The following SH2B3 variants were observed in gnomAD, a reference collection of about 807,000 sequenced individuals.
SH2B3 encodes the protein SH2B adapter protein 3.
In SH2B3, 43 loss-of-function variants were observed where a neutral mutation model predicts 51.9. The observed-to-expected ratio is 0.83, with a 90% CI of 0.65 to 1.07. The LOEUF (loss-of-function observed/expected upper bound fraction) is 1.07, where lower values mean the gene tolerates loss of function less well. SH2B3 is among the 50% of genes least tolerant of loss of function. The pLI, the probability that SH2B3 is intolerant of heterozygous loss-of-function variation, is 0.00. For synonymous variants in SH2B3, 396 were observed against 376.0 expected (o/e 1.05, Z -0.62); for missense variants, 952 against 834.3 (o/e 1.14, Z -1.74).
intron 2 of SH2B3, among the ~76,000 whole-genome samples, chr12:111,436,913 G>A (rs566745564): frequency 2.7e-5 from 4 of 148,120 alleles, no homozygotes; most frequent in South Asian, 2.2e-4. Context: ...CCCCCCTCCC[G>A]CCACACACAT....
At position 111,447,115 on chromosome 12, in the gene SH2B3, TCTC is replaced by T. The variant is rs766553635; in HGVS notation, c.927-8_927-6del. On this transcript the variant is annotated splice_polypyrimidine_tract_variant and splice_region_variant and intron_variant, in intron 4 of 7. Transcript: ENST00000341259. ...GCCCAGATCCTTAACCTCAGCCTCT[TCTC>T]CAGCAGGCTGGAGAGCACAGAAGCA... The T allele has an allele frequency of 6.2e-7, 1 of 1,613,134 alleles. No individual in the cohort carries two copies. The highest frequency in any genetic ancestry group is 1.3e-5 in the African/African-American group (1 of 74,862).
At position 111,450,356 on chromosome 12, in the gene SH2B3, A is replaced by G. The variant is rs1874462388; in HGVS notation, c.*2054A>G. The G allele has an allele frequency of 6.6e-6, 1 of 152,274 alleles. No individual in the cohort carries two copies. Among genetic ancestry groups the G allele is most frequent in the Non-Finnish European group, 1.5e-5 (1 of 68,056 alleles). The allele number at this position is 152,274 out of a possible 1,614,324, so 9.4% of individuals were successfully genotyped here. On this transcript the variant is annotated 3_prime_UTR_variant, in exon 8 of 8. Transcript: ENST00000341259. Reference sequence around the variant, plus strand: ...CTCAAAGTCAAGCAGCTTTCTCTGGAAAATGAATGCTAATTAGTGTGAACC... The same window carrying G: ...CTCAAAGTCAAGCAGCTTTCTCTGGGAAATGAATGCTAATTAGTGTGAACC...
rs1020128728 is a variant in SH2B3, at chr12:111,446,942, G to A, written c.835G>A (p.Val279Met). The A allele has an allele frequency of 3.7e-6, 6 of 1,613,612 alleles. No homozygotes were observed. Among genetic ancestry groups the A allele is most frequent in the Non-Finnish European group, 5.1e-6 (6 of 1,179,530 alleles). ...ACCCTGTTCCCTTCCTCCCTGCCAG[G>A]TGAAGGACCGGACAGACATCATCTT... The part of the protein sequence containing the change: ...PDNLYTFVLK[V>M]KDRTDIIFEV... Residue 279 changes from valine (V) to methionine (M), a missense_variant and splice_region_variant, in exon 4 of 8, where the codon GTG becomes ATG. Physicochemically the swap from Val to Met is conservative, Grantham distance 21 (BLOSUM62 1). Coordinates refer to ENST00000341259, the MANE Select transcript of SH2B3 (RefSeq NM_005475.3).
In SH2B3 at chr12:111,449,865, A is replaced by C. The variant is rs1874419120; in HGVS notation, c.*1563A>C. ...TAGTCTCTGTGCTCCAAGAGGTCAA[A>C]TTTTTGCTTCTAGAATTTCCTTGGG... is the stretch of plus-strand genomic sequence containing the variant. On this transcript the variant is annotated 3_prime_UTR_variant, in exon 8 of 8. Transcript: ENST00000341259. 1 of 151,596 alleles carries C rather than the reference A, an allele frequency of 6.6e-6. No homozygotes were observed. Among genetic ancestry groups the C allele is most frequent in the Non-Finnish European group, 1.5e-5 (1 of 68,006 alleles). The allele number at this position is 151,596 out of a possible 1,614,324, so 9.4% of individuals were successfully genotyped here.
chr12:111,424,310 C>T (rs2135558598), intron 2 of SH2B3, among the ~76,000 whole-genome samples: 1 of 152,052 alleles, frequency 6.6e-6, no homozygotes, highest in East Asian at 1.9e-4. Flanking sequence ...GGCTGTGTGT[C>T]TTGGTGGGGA....
intron 2 of SH2B3, among the ~76,000 whole-genome samples, chr12:111,430,870 G>T (rs1414177426): frequency 1.3e-5 from 2 of 152,160 alleles, no homozygotes; most frequent in Non-Finnish European, 2.9e-5. Context: ...GGGTCCCCAG[G>T]GTCCCTCCCC....
chr12:111,420,367 C>CAAAAAA (rs59301682), intron 2 of SH2B3, among the ~76,000 whole-genome samples: 3 of 64,464 alleles, frequency 4.7e-5, no homozygotes, highest in African/African-American at 1.1e-4. Flanking sequence ...GACCCTGTCT[C>CAAAAAA]AAAAAAAAAA....
intron 2 of SH2B3, among the ~76,000 whole-genome samples, chr12:111,442,559 C>T (rs891947920): frequency 6.6e-6 from 1 of 152,184 alleles, no homozygotes; most frequent in African/African-American, 2.4e-5. Context: ...GGTGGGCGGT[C>T]TCTCCCCAAG....
intron 1 of SH2B3, among the ~76,000 whole-genome samples, chr12:111,413,346 G>A (rs1227295763): frequency 6.6e-5 from 10 of 152,258 alleles, no homozygotes; most frequent in Admixed American, 3.3e-4. Context: ...GCAGCAGTGA[G>A]CTATGATTGT....
chr12:111,435,176 G>A lies in SH2B3; in HGVS notation c.733-11577G>A. 1.5e-6 allele frequency: 1 copy of A among 679,908 alleles called. No homozygotes were observed. The highest frequency in any genetic ancestry group is 2.4e-6 in the Non-Finnish European group (1 of 410,628). The allele number at this position is 679,908 out of a possible 1,614,324, so 42.1% of individuals were successfully genotyped here. On this transcript the variant is annotated intron_variant, in intron 2 of 7. Coordinates refer to ENST00000341259, the MANE Select transcript of SH2B3 (RefSeq NM_005475.3). The surrounding 1 kb of genome is among the most constrained non-coding windows in gnomAD (Gnocchi z 4.8). Reference sequence around the variant, plus strand: ...TCTTTTTCCACCCACACCCGGTGCAGAGCAGATGCTTGGCCGGGGCTTCCC... The same window carrying A: ...TCTTTTTCCACCCACACCCGGTGCAAAGCAGATGCTTGGCCGGGGCTTCCC...
Position 111,448,153 on chromosome 12 carries a change from C to T in SH2B3, c.1579C>T (p.His527Tyr), listed in dbSNP as rs1874228120. The change falls in exon 8 of 8, where the codon CAC becomes TAC. Residue 527 changes from histidine (H) to tyrosine (Y), a missense_variant. Transcript: ENST00000341259. ...ATCCTCACCCCCCGAGCAGATCTTC[C>T]ACCTGGTGCCTTCGCCCGAAGAACT... ...GRSSPPEQIF[H>Y]LVPSPEELAN... The T allele has an allele frequency of 6.2e-7, 1 of 1,614,182 alleles. No individual in the cohort carries two copies. The highest frequency in any genetic ancestry group is 8.5e-7 in the Non-Finnish European group (1 of 1,180,024).
chr12:111,415,716 G>T (rs1231913521), intron 1 of SH2B3, among the ~76,000 whole-genome samples: 3 of 150,140 alleles, frequency 2.0e-5, no homozygotes, highest in Non-Finnish European at 4.4e-5. Flanking sequence ...CTGCCTCCCA[G>T]GTTCAAGTGA....
rs1423598418 is a variant in SH2B3, at chr12:111,429,609, C to T, written c.732+10732C>T. On this transcript the variant is annotated intron_variant, in intron 2 of 7. Coordinates refer to ENST00000341259, the MANE Select transcript of SH2B3 (RefSeq NM_005475.3). This position sits in a 1 kb window ranked among gnomAD's most constrained non-coding sequence, Gnocchi z 4.4. Reference sequence around the variant, plus strand: ...TCGGCCTCCCAAAGTGCTAGGATTACAGGCGTGAGCTACCGCGCCCGGCCC... The same window carrying T: ...TCGGCCTCCCAAAGTGCTAGGATTATAGGCGTGAGCTACCGCGCCCGGCCC... Among the ~76,000 whole-genome samples, 5 of 152,250 alleles carry T rather than the reference C, an allele frequency of 3.3e-5. No homozygotes were observed. The highest frequency in any genetic ancestry group is 7.3e-5 in the Non-Finnish European group (5 of 68,048).
upstream of SH2B3, among the ~76,000 whole-genome samples, chr12:111,405,703 C>G (rs1404948225): frequency 6.6e-6 from 1 of 152,204 alleles, no homozygotes; most frequent in East Asian, 1.9e-4. This position sits in a 1 kb window ranked among gnomAD's most constrained non-coding sequence, Gnocchi z 5.4. Flanking sequence ...CGCCTTTTTC[C>G]GGACCCGCGC....
intron 2 of SH2B3, among the ~76,000 whole-genome samples, chr12:111,420,652 T>C (rs1269127275): frequency 6.6e-6 from 1 of 152,204 alleles, no homozygotes; most frequent in African/African-American, 2.4e-5. Context: ...TTTCATTCAT[T>C]CGACAGATAT....
intron 2 of SH2B3, among the ~76,000 whole-genome samples, chr12:111,433,558 T>C (rs371582648): frequency 1.3e-5 from 2 of 152,118 alleles, no homozygotes; most frequent in Admixed American, 1.3e-4. Flanking sequence ...GTGGTGTTTT[T>C]TTTGTTTGTT....
intron 2 of SH2B3, among the ~76,000 whole-genome samples, chr12:111,423,452 C>A (rs1356174367): frequency 6.6e-6 from 1 of 152,176 alleles, no homozygotes; most frequent in Non-Finnish European, 1.5e-5. Context: ...TCACTGCCAG[C>A]TCCGCCTCCC....
At chr12:111,415,973 G>A (rs1336318028) in intron 1 of SH2B3, among the ~76,000 whole-genome samples, 3 of 151,780 alleles carry the variant, frequency 2.0e-5, no homozygotes, top group South Asian at 2.1e-4. Context: ...ACGGAGTCTC[G>A]CTCTGTTGCC....
chr12:111,411,678 A>G (rs1870711193), intron 1 of SH2B3, among the ~76,000 whole-genome samples: 2 of 152,236 alleles, frequency 1.3e-5, no homozygotes, highest in East Asian at 3.9e-4. Flanking sequence ...CGAGGCCCTC[A>G]ATAGCCCTTT....
Sources: allele counts gnomAD v4.1 joint callset (sites outside exome capture counted in the v4.1 genomes callset), GRCh38; gene constraint gnomAD v4.1.1; non-coding constraint Gnocchi (gnomAD v3.1); transcripts MANE v1.5; gene names NCBI Gene and HGNC (gene_info 2026-07-23, HGNC 2026-07-21).